EPHA7: variants seen among roughly 807,000 people sequenced by gnomAD.
EPHA7 encodes the protein EPH receptor A7.
Under a neutral mutation model 112.6 loss-of-function variants are expected in EPHA7, and 25 were observed. That is an observed-to-expected ratio of 0.22 (90% CI 0.16 to 0.31). EPHA7 has a LOEUF of 0.31. Ranked by LOEUF, EPHA7 falls within the 10% of genes least tolerant of loss-of-function variation. The pLI is 1.00. For synonymous variants in EPHA7, 437 were observed against 406.5 expected, an observed-to-expected ratio of 1.07 and a Z score of -0.90; for missense variants, 962 against 1,212.6, an observed-to-expected ratio of 0.79 and a Z score of 3.07.
chr6:93,352,423 A>AT (rs1473170515), intron 5 of EPHA7, among the ~76,000 whole-genome samples: 1 of 152,058 alleles, frequency 6.6e-6, no homozygotes, highest in African/African-American at 2.4e-5. Flanking sequence ...CTAGAATAGG[A>AT]TTTACTTTTA....
chr6:93,252,652 A>G (rs1770267031), intron 14 of EPHA7, among the ~76,000 whole-genome samples: 1 of 152,002 alleles, frequency 6.6e-6, no homozygotes, highest in Non-Finnish European at 1.5e-5. Flanking sequence ...TTGTTCAAAT[A>G]GCACTCTACT....
In EPHA7 at chr6:93,259,428, G is replaced by A. The variant is rs373264389; in HGVS notation, c.1850C>T (p.Pro617Leu). 3.7e-6 allele frequency: 6 copies of A among 1,611,990 alleles called. No individual in the cohort carries two copies. In the African/African-American group the frequency reaches 8.0e-5, roughly 22 times the overall value. Reference sequence around the variant, plus strand: ...GGCGAATTGATGGACAGCTCTATTTGGGTCCTCATAGGTTTCAGGGTCAAT... The same window carrying A: ...GGCGAATTGATGGACAGCTCTATTTAGGTCCTCATAGGTTTCAGGGTCAAT... ...TYIDPETYED[P>L]NRAVHQFAKE... The change falls in exon 10 of 17, where the codon CCA (proline) becomes CTA (leucine). Residue 617 changes from proline to leucine, a missense_variant. Pro to Leu is a moderately conservative substitution (Grantham distance 98). This residue lies in a region of EPHA7 where 746 missense variants were observed against 889.2 expected (regional missense o/e 0.84). Coordinates refer to ENST00000369303, the MANE Select transcript of EPHA7 (RefSeq NM_004440.4).
At chr6:93,350,547 G>A (rs115118390) in intron 5 of EPHA7, among the ~76,000 whole-genome samples, 9 of 152,066 alleles carry the variant, frequency 5.9e-5, no homozygotes, top group Non-Finnish European at 7.4e-5. Flanking sequence ...ATCTGAGTGA[G>A]TGTCATATAG....
In EPHA7 at chr6:93,245,383, G is replaced by C; in HGVS notation, c.2797C>G (p.Gln933Glu). 6.2e-7 allele frequency: 1 copy of C among 1,613,710 alleles called. No individual in the cohort carries two copies. Among genetic ancestry groups the C allele is most frequent in the Non-Finnish European group, 8.5e-7 (1 of 1,179,816 alleles). Residue 933 changes from glutamine to glutamate, a missense_variant, in exon 16 of 17, where the codon CAA (glutamine) becomes GAA (glutamate). Coordinates refer to ENST00000369303, the MANE Select transcript of EPHA7 (RefSeq NM_004440.4). The part of the protein sequence containing the change: ...TTFCSVGEWL[Q>E]AIKMERYKDN... ...TTATATCTTTCCATCTTAATAGCTT[G>C]TAGCCATTCTCCAACTGAACAAAAG... is the stretch of plus-strand genomic sequence containing the variant.
At chr6:93,282,483 C>T (rs754889770) in intron 5 of EPHA7, among the ~76,000 whole-genome samples, 1 of 152,268 alleles carries the variant, frequency 6.6e-6, no homozygotes, top group African/African-American at 2.4e-5. Flanking sequence ...TGACAGCATG[C>T]TGGCAGCCCT....
intron 5 of EPHA7, among the ~76,000 whole-genome samples, chr6:93,347,937 G>A (rs991804772): frequency 6.6e-6 from 1 of 151,690 alleles, no homozygotes; most frequent in African/African-American, 2.4e-5. Context: ...GCAATTCAAA[G>A]ATCAAATAAT....
At chr6:93,317,264 T>G (rs569331582) in intron 5 of EPHA7, among the ~76,000 whole-genome samples, 1 of 152,332 alleles carries the variant, frequency 6.6e-6, no homozygotes, top group Admixed American at 6.5e-5. Context: ...ATTTACTATT[T>G]TAATTATGTC....
At chr6:93,341,469 G>T (rs1038977849) in intron 5 of EPHA7, among the ~76,000 whole-genome samples, 1 of 151,766 alleles carries the variant, frequency 6.6e-6, no homozygotes, top group Non-Finnish European at 1.5e-5. Context: ...TTAAGAGATA[G>T]AAATTATGAA....
intron 3 of EPHA7, among the ~76,000 whole-genome samples, chr6:93,408,036 A>T (rs1370303186): frequency 2.6e-5 from 4 of 152,032 alleles, no homozygotes; most frequent in Admixed American, 2.6e-4. Flanking sequence ...CAAATAAATG[A>T]GTTAAATTAT....
chr6:93,367,957 A>C (rs1462092604), intron 3 of EPHA7, among the ~76,000 whole-genome samples: 1 of 152,146 alleles, frequency 6.6e-6, no homozygotes, highest in African/African-American at 2.4e-5. Context: ...GCAAATAAGA[A>C]ATACAAATTA....
Position 93,387,417 on chromosome 6 carries a change from C to T in EPHA7, c.832+23084G>A, listed in dbSNP as rs560831660. Among the ~76,000 whole-genome samples, 3 of 152,218 alleles carry T rather than the reference C, an allele frequency of 2.0e-5. No individual in the cohort carries two copies. In the South Asian group the frequency reaches 6.2e-4, roughly 32 times the overall value. On this transcript the variant is annotated intron_variant, in intron 3 of 16. Transcript: ENST00000369303. ...CCATTCAATAAGTCTCTAGGAAATT[C>T]CCAACTTTCCCACATCTTCCTGTCT... is the stretch of plus-strand genomic sequence containing the variant.
intron 13 of EPHA7, 52 bp downstream of exon 13, chr6:93,255,776 G>T: frequency 1.3e-6 from 2 of 1,482,900 alleles, no homozygotes; most frequent in South Asian, 1.1e-5. Flanking sequence ...CTGCTTTCGT[G>T]GTAGAAAAAT....
chr6:93,290,778 A>G (rs939147839), intron 5 of EPHA7, among the ~76,000 whole-genome samples: 9 of 152,190 alleles, frequency 5.9e-5, no homozygotes, highest in African/African-American at 1.9e-4. Flanking sequence ...CTCACTAAAC[A>G]TAACAGCGAG....
At chr6:93,349,196 T>C (rs1055244866) in intron 5 of EPHA7, among the ~76,000 whole-genome samples, 1 of 151,878 alleles carries the variant, frequency 6.6e-6, no homozygotes, top group African/African-American at 2.4e-5. Context: ...CCTTTTTGTA[T>C]GTTTTAATAA....
At chr6:93,311,540 G>C (rs189307862) in intron 5 of EPHA7, among the ~76,000 whole-genome samples, 12 of 152,086 alleles carry the variant, frequency 7.9e-5, no homozygotes, top group South Asian at 4.2e-4. Flanking sequence ...TCTAATTCTA[G>C]TTCTCTTGCA....
intron 5 of EPHA7, among the ~76,000 whole-genome samples, chr6:93,289,858 C>A (rs974338443): frequency 6.6e-6 from 1 of 152,002 alleles, no homozygotes; most frequent in African/African-American, 2.4e-5. Context: ...GTGTCAATTC[C>A]CTGAATTTTC....
At chr6:93,339,779 T>C (rs1412093922) in intron 5 of EPHA7, among the ~76,000 whole-genome samples, 1 of 151,826 alleles carries the variant, frequency 6.6e-6, no homozygotes, top group African/African-American at 2.4e-5. Context: ...GGCATGTCAA[T>C]ACATTGAAAA....
chr6:93,413,814 C>T (rs1779094211), intron 2 of EPHA7, among the ~76,000 whole-genome samples: 1 of 151,840 alleles, frequency 6.6e-6, no homozygotes, highest in Non-Finnish European at 1.5e-5. Context: ...CAATCTCTTT[C>T]AAACTTTCAT....
chr6:93,292,507 T>G (rs76218748), intron 5 of EPHA7, among the ~76,000 whole-genome samples: 7,634 of 151,666 alleles, frequency 0.05, 593 homozygotes, highest in African/African-American at 0.17. Context: ...TGTTTTTTTT[T>G]GGGGGGGCGG....
Sources: gnomAD v4.1 joint callset for allele counts (sites outside exome capture counted in the v4.1 genomes callset) on GRCh38, gnomAD v4.1.1 for gene constraint, gnomAD v4.1.1 regional missense constraint, MANE v1.5 for transcripts, NCBI Gene and HGNC (gene_info 2026-07-23, HGNC 2026-07-21) for gene names.